The following KLF12 variants were observed in gnomAD, a reference collection of about 807,000 sequenced individuals.
The protein encoded by KLF12 is KLF transcription factor 12, also known as Krueppel-like factor 12.
KLF12 carries 9 observed loss-of-function variants against 37.8 expected under a neutral mutation model. The observed-to-expected ratio is 0.24, with a 90% CI of 0.14 to 0.42. The LOEUF is 0.42. KLF12 is among the 10% of genes least tolerant of loss of function. KLF12 has a pLI of 1.00. For synonymous variants in KLF12, 208 were observed against 202.1 expected (o/e 1.03, Z -0.25); for missense variants, 411 against 516.0 (o/e 0.80, Z 1.97).
At chr13:74,287,327 A>G in the KLF12 span, among the ~76,000 whole-genome samples, 6 of 146,872 alleles carry the variant, frequency 4.1e-5, no homozygotes, top group Non-Finnish European at 9.0e-5. Flanking sequence ...GCCCCAAGAA[A>G]CAAACAGGGA....
chr13:74,297,309 G>A, the KLF12 span, among the ~76,000 whole-genome samples: 2 of 152,136 alleles, frequency 1.3e-5, no homozygotes, highest in Non-Finnish European at 2.9e-5. Context: ...AGAAAATAGT[G>A]TTTTAAGGCC....
At chr13:74,064,878 T>G (rs1252890337) in intron 1 of KLF12, among the ~76,000 whole-genome samples, 4 of 152,204 alleles carry the variant, frequency 2.6e-5, no homozygotes, top group Admixed American at 6.5e-5. Context: ...GAATCAATGT[T>G]AGTTTTATTC....
chr13:73,776,499 G>A (rs1011620257), intron 5 of KLF12, among the ~76,000 whole-genome samples: 13 of 152,172 alleles, frequency 8.5e-5, no homozygotes, highest in Admixed American at 7.9e-4. Flanking sequence ...TCACATGCCA[G>A]CCCACCAATA....
intron 2 of KLF12, among the ~76,000 whole-genome samples, chr13:73,953,981 T>C (rs1257921721): frequency 7.3e-6 from 1 of 136,196 alleles, no homozygotes; most frequent in Non-Finnish European, 1.6e-5. Flanking sequence ...TTTTTTTTTT[T>C]TTTTTTTTTT....
chr13:73,719,970 C>G (rs1876114902), intron 6 of KLF12, among the ~76,000 whole-genome samples: 2 of 152,082 alleles, frequency 1.3e-5, no homozygotes, highest in South Asian at 4.2e-4. Context: ...ATTAAAAACA[C>G]ATAGATATAA....
intron 2 of KLF12, among the ~76,000 whole-genome samples, chr13:73,955,918 A>G (rs978004230): frequency 2.6e-5 from 4 of 152,188 alleles, no homozygotes; most frequent in Admixed American, 6.5e-5. Context: ...CACCCTGACG[A>G]TGTTCTTTCC....
chr13:73,991,550 C>T (rs1480255796), intron 2 of KLF12, among the ~76,000 whole-genome samples: 1 of 152,188 alleles, frequency 6.6e-6, no homozygotes, highest in African/African-American at 2.4e-5. Context: ...ACACCCATAG[C>T]AACTCTTGAA....
chr13:74,206,105 A>T, the KLF12 span, among the ~76,000 whole-genome samples: 53 of 152,288 alleles, frequency 3.5e-4, no homozygotes, highest in South Asian at 1.2e-3. Flanking sequence ...TCAAGTTTAC[A>T]CCATGGTACC....
chr13:74,264,041 C>T, the KLF12 span, among the ~76,000 whole-genome samples: 1,333 of 152,168 alleles, frequency 8.8e-3, 17 homozygotes, highest in African/African-American at 0.03. Flanking sequence ...CCTGGCATAA[C>T]TGGGGTTAAA....
At chr13:74,028,858 C>T (rs1893043009) in intron 1 of KLF12, among the ~76,000 whole-genome samples, 1 of 151,368 alleles carries the variant, frequency 6.6e-6, no homozygotes, top group East Asian at 1.9e-4. Context: ...AAGGGGCATA[C>T]CTTATATGAT....
chr13:74,071,412 C>T (rs906514067), intron 1 of KLF12, among the ~76,000 whole-genome samples: 28 of 152,190 alleles, frequency 1.8e-4, no homozygotes, highest in South Asian at 1.5e-3. Context: ...TGGGGCCGGG[C>T]GCAGTGGCTT....
chr13:73,859,354 C>A (rs1312055729), intron 3 of KLF12, among the ~76,000 whole-genome samples: 1 of 152,120 alleles, frequency 6.6e-6, no homozygotes, highest in African/African-American at 2.4e-5. Context: ...GCCCATGGCC[C>A]CAGTGGAACA....
chr13:73,917,146 C>T (rs190192636), intron 3 of KLF12, among the ~76,000 whole-genome samples: 42 of 152,256 alleles, frequency 2.8e-4, no homozygotes, highest in Non-Finnish European at 2.6e-4. Context: ...GTCTGATTGG[C>T]CCTGCCTTAA....
intron 1 of KLF12, among the ~76,000 whole-genome samples, chr13:74,080,594 C>T (rs1241404672): frequency 6.6e-6 from 1 of 152,012 alleles, no homozygotes; most frequent in African/African-American, 2.4e-5. Flanking sequence ...CCCAAGCCTA[C>T]TGGCTTAGAA....
chr13:74,092,306 A>AAAAAAAAG (rs1330246050), intron 1 of KLF12, among the ~76,000 whole-genome samples: 12 of 151,954 alleles, frequency 7.9e-5, no homozygotes, highest in African/African-American at 2.9e-4. Flanking sequence ...CAAAAAAAAA[A>AAAAAAAAG]AAGAAGAGTT....
intron 5 of KLF12, among the ~76,000 whole-genome samples, chr13:73,794,967 C>T (rs928732655): frequency 3.5e-4 from 54 of 152,236 alleles, no homozygotes; most frequent in African/African-American, 1.3e-3. Context: ...AGTACAGACG[C>T]GTCTTTGTGC....
intron 1 of KLF12, among the ~76,000 whole-genome samples, chr13:74,065,820 G>T (rs558911802): frequency 6.6e-6 from 1 of 151,904 alleles, no homozygotes; most frequent in Non-Finnish European, 1.5e-5. Context: ...GGCTCTGAAC[G>T]ATCTCTCTAG....
At chr13:74,241,428 C>T in the KLF12 span, among the ~76,000 whole-genome samples, 1 of 152,150 alleles carries the variant, frequency 6.6e-6, no homozygotes, top group Non-Finnish European at 1.5e-5. Context: ...AGAGGTGGAG[C>T]CTACAGAGGC....
At chr13:73,843,869 TG>T (rs1258694466) in intron 4 of KLF12, among the ~76,000 whole-genome samples, 72 of 152,242 alleles carry the variant, frequency 4.7e-4, no homozygotes, top group African/African-American at 1.7e-3. Flanking sequence ...AAATAATGCA[TG>T]AAACAAATAT....
Sources: gnomAD v4.1 joint callset for allele counts (sites outside exome capture counted in the v4.1 genomes callset) on GRCh38, gnomAD v4.1.1 for gene constraint, MANE v1.5 for transcripts, NCBI Gene and HGNC (gene_info 2026-07-23, HGNC 2026-07-21) for gene names.